Variants in KAT6A observed in about 807,000 individuals in gnomAD.
KAT6A encodes lysine acetyltransferase 6A, also known as histone acetyltransferase KAT6A.
In KAT6A, 9 loss-of-function variants were observed where a neutral mutation model predicts 198.4. The ratio of observed to expected loss-of-function variants is 0.05; its 90% CI spans 0.03 to 0.08. The LOEUF is 0.08. KAT6A is among the 10% of genes least tolerant of loss of function. KAT6A has a pLI of 1.00. For synonymous variants in KAT6A, 890 were observed against 883.0 expected (o/e 1.01, Z -0.14); for missense variants, 2,077 against 2,509.9 (o/e 0.83, Z 3.69).
chr8:42,043,635 G>C (rs1587863294), intron 2 of KAT6A: 1 of 152,106 alleles, frequency 6.6e-6, no homozygotes, highest in East Asian at 1.9e-4. Context: ...AAGACGGGCG[G>C]GAATTTGTCC....
At chr8:42,049,971 A>C (rs2150933605) in intron 1 of KAT6A, among the ~76,000 whole-genome samples, 1 of 152,370 alleles carries the variant, frequency 6.6e-6, no homozygotes, top group African/African-American at 2.4e-5. Flanking sequence ...TCAAATTTTA[A>C]GAATTACATG....
At chr8:42,024,677 G>GT (rs1053278555) in intron 2 of KAT6A, among the ~76,000 whole-genome samples, 2 of 152,010 alleles carry the variant, frequency 1.3e-5, no homozygotes, top group African/African-American at 4.8e-5. Flanking sequence ...AAGTGAGAAC[G>GT]TGACAGCTGT....
At chr8:41,981,728 A>C (rs894981421) in intron 4 of KAT6A, 111 bp downstream of exon 4, 20 of 685,716 alleles carry the variant, frequency 2.9e-5, no homozygotes, top group Non-Finnish European at 4.5e-5. Context: ...GCTATTCTAA[A>C]TGCTACTGGA....
intron 2 of KAT6A, among the ~76,000 whole-genome samples, chr8:42,014,013 G>C (rs1202908793): frequency 1.3e-5 from 2 of 152,124 alleles, no homozygotes; most frequent in Admixed American, 1.3e-4. Context: ...AAACAAGTGT[G>C]GCTGTGCTCC....
intron 2 of KAT6A, among the ~76,000 whole-genome samples, chr8:42,020,346 C>T (rs1377919231): frequency 6.6e-6 from 1 of 152,226 alleles, no homozygotes; most frequent in African/African-American, 2.4e-5. Flanking sequence ...ATGAATATCC[C>T]CCATTCTACG....
At chr8:41,999,028 G>A (rs572126024) in intron 2 of KAT6A, among the ~76,000 whole-genome samples, 1 of 151,930 alleles carries the variant, frequency 6.6e-6, no homozygotes, top group Admixed American at 6.6e-5. Flanking sequence ...TCTACAATTA[G>A]ACATCAATAA....
chr8:41,932,579 C>T lies in KAT6A; in HGVS notation c.5641G>A (p.Ala1881Thr). The T allele has an allele frequency of 6.2e-7, 1 of 1,614,236 alleles. No individual in the cohort carries two copies. The highest frequency in any genetic ancestry group is 8.5e-7 in the Non-Finnish European group (1 of 1,180,030). Residue 1881 changes from alanine (A) to threonine (T), a missense_variant, in exon 17 of 17, where the codon GCA (alanine) becomes ACA (threonine). Ala to Thr is a moderately conservative substitution (Grantham distance 58). Around this residue, in one of 13 missense-constraint regions of KAT6A, gnomAD observed 500 missense variants for 577.2 expected, o/e 0.87. Coordinates refer to ENST00000265713, the MANE Select transcript of KAT6A (RefSeq NM_006766.5). ...QQQLYGRSPS[A>T]VAMQAGPRAL... ...CGAGGGCCAGCCTGCATGGCAACTGCCGATGGGCTACGGCCATACAGCTGC... is the reference window on the plus strand; with the variant it reads ...CGAGGGCCAGCCTGCATGGCAACTGTCGATGGGCTACGGCCATACAGCTGC...
At chr8:41,952,816 T>C (rs111937762) in intron 9 of KAT6A, among the ~76,000 whole-genome samples, 616 of 152,246 alleles carry the variant, frequency 4.0e-3, no homozygotes, top group African/African-American at 0.014. Flanking sequence ...CTCATTTAAG[T>C]AAATATAATT....
rs1201647000 is a variant in KAT6A, at chr8:42,049,278, G to C, written c.-301C>G. 1 of 347,922 alleles carries C rather than the reference G, an allele frequency of 2.9e-6. No homozygotes were observed. The highest frequency in any genetic ancestry group is 5.2e-6 in the Non-Finnish European group (1 of 191,452). 21.6% of individuals were successfully genotyped at this position (347,922 alleles called of 1,614,324 possible). The stretch of plus-strand genomic sequence containing the variant: ...CAAGAATATTTCATTCCCGGCTCCA[G>C]AGCAGAAAAATGTGCATCTTATGCC... On this transcript the variant is annotated 5_prime_UTR_variant, in exon 2 of 17. Transcript: ENST00000265713.
intron 2 of KAT6A, among the ~76,000 whole-genome samples, chr8:41,990,226 A>T (rs910324226): frequency 6.6e-6 from 1 of 152,212 alleles, no homozygotes; most frequent in African/African-American, 2.4e-5. Context: ...TTAAAAACTG[A>T]TTGCAAGGGA....
At chr8:41,940,405 T>C (rs1445857720) in intron 15 of KAT6A, among the ~76,000 whole-genome samples, 2 of 152,174 alleles carry the variant, frequency 1.3e-5, no homozygotes, top group Admixed American at 6.5e-5. Context: ...CCCCAAAATA[T>C]AGGGCAGCAC....
chr8:41,978,782 A>T lies in KAT6A; in HGVS notation c.908-5T>A, dbSNP rs1824200098. Reference sequence around the variant, plus strand: ...ATATTTGACATATCCACATGCCTATAAAAAAATAAAATTCCACATAGAAGT... The same window carrying T: ...ATATTTGACATATCCACATGCCTATTAAAAAATAAAATTCCACATAGAAGT... On this transcript the variant is annotated splice_polypyrimidine_tract_variant and splice_region_variant and intron_variant, in intron 5 of 16. Coordinates refer to ENST00000265713, the MANE Select transcript of KAT6A (RefSeq NM_006766.5). 1 of 1,610,970 alleles carries T rather than the reference A, an allele frequency of 6.2e-7. No homozygotes were observed. Among genetic ancestry groups the T allele is most frequent in the Non-Finnish European group, 8.5e-7 (1 of 1,178,266 alleles).
chr8:41,947,997 T>G, intron 10 of KAT6A, 85 bp from the exon 11 acceptor site: 1 of 1,130,330 alleles, frequency 8.8e-7, no homozygotes, highest in Non-Finnish European at 1.2e-6. Context: ...CATCTCTAGA[T>G]ATCCACAGTC....
intron 2 of KAT6A, among the ~76,000 whole-genome samples, chr8:41,989,089 T>G (rs1198654980): frequency 6.6e-6 from 1 of 152,060 alleles, no homozygotes; most frequent in Non-Finnish European, 1.5e-5. Flanking sequence ...CCCTTTGACT[T>G]AAGTTTTTCC....
intron 9 of KAT6A, 107 bp from the exon 10 acceptor site, chr8:41,949,470 TAAA>T (rs199706316): frequency 9.0e-6 from 6 of 670,260 alleles, no homozygotes; most frequent in African/African-American, 7.7e-5. Flanking sequence ...GGTAACAGGT[TAAA>T]AAAAAAACTG....
intron 2 of KAT6A, among the ~76,000 whole-genome samples, chr8:42,035,174 G>C (rs1374638773): frequency 1.3e-5 from 2 of 152,158 alleles, no homozygotes; most frequent in African/African-American, 4.8e-5. Context: ...GAAGACATGG[G>C]ATGGAATAGA....
chr8:41,977,671 A>C (rs1824129115), intron 6 of KAT6A, among the ~76,000 whole-genome samples: 2 of 152,224 alleles, frequency 1.3e-5, no homozygotes, highest in South Asian at 4.1e-4. Context: ...AACTGGACTA[A>C]GAACAACTAA....
In KAT6A at chr8:41,933,666, G is replaced by T; in HGVS notation, c.4554C>A (p.Ser1518=). 1 of 1,614,122 alleles carries T rather than the reference G, an allele frequency of 6.2e-7. No individual in the cohort carries two copies. Among genetic ancestry groups the T allele is most frequent in the East Asian group, 2.2e-5 (1 of 44,876 alleles). ...TGTTCTGCATAGAGGGTGCGGACAG[G>T]GATCCTTGTTCTGGGCTGATCTGGG... ...GYTQISPEQG[S]LSAPSMQNME... is the part of the protein sequence containing the mutation. The change falls in exon 17 of 17, where the codon TCC becomes TCA. Residue 1518 remains serine, a synonymous_variant. Coordinates refer to ENST00000265713, the MANE Select transcript of KAT6A (RefSeq NM_006766.5). The surrounding 1 kb of genome is among the most constrained non-coding windows in gnomAD (Gnocchi z 6.2).
chr8:42,012,200 T>TATAAA (rs1826053981), intron 2 of KAT6A, among the ~76,000 whole-genome samples: 1 of 152,194 alleles, frequency 6.6e-6, no homozygotes, highest in Non-Finnish European at 1.5e-5. Flanking sequence ...AGCAGTTTCT[T>TATAAA]ATAAAAGTTA....
Sources: gnomAD v4.1 joint callset for allele counts (sites outside exome capture counted in the v4.1 genomes callset) on GRCh38, gnomAD v4.1.1 for gene constraint, gnomAD v4.1.1 regional missense constraint, Gnocchi (gnomAD v3.1) non-coding constraint, MANE v1.5 for transcripts, NCBI Gene and HGNC (gene_info 2026-07-23, HGNC 2026-07-21) for gene names.